The following DKK2 variants were observed in gnomAD, a reference collection of about 807,000 sequenced individuals.
The protein encoded by DKK2 is dickkopf Wnt signaling pathway inhibitor 2.
A neutral mutation model predicts 28.1 loss-of-function variants in DKK2; 11 were observed. That is an observed-to-expected ratio of 0.39 (90% CI 0.25 to 0.65). The LOEUF is 0.65. Among genes scored for constraint, DKK2 ranks in the 30% least tolerant of loss-of-function variants. DKK2 has a pLI of 0.47. For synonymous variants in DKK2, 135 were observed against 126.5 expected, an observed-to-expected ratio of 1.07 and a Z score of -0.45; for missense variants, 326 against 335.5, an observed-to-expected ratio of 0.97 and a Z score of 0.22.
Position 107,035,529 on chromosome 4 carries a change from C to A in DKK2, c.63G>T (p.Leu21=), listed in dbSNP as rs1355534676. Residue 21 remains leucine, a synonymous_variant, in exon 1 of 4, where the codon CTG becomes CTT. Coordinates refer to ENST00000285311, the MANE Select transcript of DKK2 (RefSeq NM_014421.3). ...SCCLLLLAAV[L]MVESSQIGSS... ...TGCCGATCTGTGAGCTCTCCACCAT[C>A]AGCACCGCGGCCAGTAGGAGCAGGC... 11 of 1,614,218 alleles carry A rather than the reference C, an allele frequency of 6.8e-6. No homozygotes were observed.
In DKK2 at chr4:106,959,219, G is replaced by A. The variant is rs188983300; in HGVS notation, c.223-33270C>T. 2.6e-4 allele frequency among the ~76,000 whole-genome samples: 39 copies of A among 152,072 alleles called. No homozygotes were observed. The East Asian group carries it at 7.3e-3, about 29-fold the overall frequency. On this transcript the variant is annotated intron_variant, in intron 1 of 3. Transcript: ENST00000285311. ...AGAAAATATTCCAAACATATAAAAGGGTTTTTTCTGGTAGATTAGGAATGA... is the reference window on the plus strand; with the variant it reads ...AGAAAATATTCCAAACATATAAAAGAGTTTTTTCTGGTAGATTAGGAATGA...
intron 1 of DKK2, among the ~76,000 whole-genome samples, chr4:107,010,252 A>G (rs556329042): frequency 4.3e-4 from 65 of 151,876 alleles, no homozygotes; most frequent in Non-Finnish European, 8.0e-4. Flanking sequence ...TTAAAACTAT[A>G]AAGTGTCCAG....
At chr4:106,975,999 C>T (rs1204035152) in intron 1 of DKK2, among the ~76,000 whole-genome samples, 1 of 151,996 alleles carries the variant, frequency 6.6e-6, no homozygotes, top group African/African-American at 2.4e-5. Flanking sequence ...TGTTATTTAC[C>T]CAGTAGTCAT....
chr4:106,933,677 T>G (rs1009061274), intron 1 of DKK2, among the ~76,000 whole-genome samples: 1 of 152,214 alleles, frequency 6.6e-6, no homozygotes, highest in African/African-American at 2.4e-5. Flanking sequence ...GTATGATAAA[T>G]AGATGATGTC....
At chr4:106,969,722 C>T (rs1722837025) in intron 1 of DKK2, among the ~76,000 whole-genome samples, 1 of 152,074 alleles carries the variant, frequency 6.6e-6, no homozygotes, top group Non-Finnish European at 1.5e-5. Context: ...GACCAAAAAA[C>T]TCTTTGGAAT....
chr4:106,962,497 G>A (rs1722706109), intron 1 of DKK2, among the ~76,000 whole-genome samples: 1 of 12,624 alleles, frequency 7.9e-5, no homozygotes, highest in Non-Finnish European at 1.8e-4. Flanking sequence ...AACTATGTGT[G>A]TGTGTGTGTG....
chr4:106,983,820 TAAGAAGA>T (rs1723073143), intron 1 of DKK2, among the ~76,000 whole-genome samples: 1 of 152,212 alleles, frequency 6.6e-6, no homozygotes. Flanking sequence ...ACATTTCATC[TAAGAAGA>T]TATACAGATG....
intron 1 of DKK2, among the ~76,000 whole-genome samples, chr4:106,958,602 G>A (rs901497640): frequency 1.3e-5 from 2 of 151,902 alleles, no homozygotes; most frequent in South Asian, 2.1e-4. Context: ...TTGAGAGGCC[G>A]TGATGGGTGG....
intron 1 of DKK2, among the ~76,000 whole-genome samples, chr4:107,030,641 A>G (rs1035334416): frequency 5.3e-5 from 8 of 152,008 alleles, no homozygotes; most frequent in Non-Finnish European, 1.0e-4. Context: ...TCACAGGTAG[A>G]AATTTGATTG....
At chr4:106,951,613 G>A (rs1724860861) in intron 1 of DKK2, among the ~76,000 whole-genome samples, 1 of 152,124 alleles carries the variant, frequency 6.6e-6, no homozygotes, top group Admixed American at 6.6e-5. Flanking sequence ...TCATACATGA[G>A]AGCTAAAAAA....
chr4:106,969,890 T>C (rs1304667811), intron 1 of DKK2, among the ~76,000 whole-genome samples: 6 of 152,024 alleles, frequency 3.9e-5, no homozygotes, highest in African/African-American at 1.4e-4. Flanking sequence ...GCCTTCCTAC[T>C]CCAGGGGCAT....
intron 2 of DKK2, 126 bp from the exon 3 acceptor site, chr4:106,924,826 C>A: frequency 1.1e-6 from 1 of 903,996 alleles, no homozygotes; most frequent in South Asian, 2.5e-5. Context: ...TCTATCCACC[C>A]ATCCATTCAT....
chr4:107,006,503 T>C (rs1255362712), intron 1 of DKK2, among the ~76,000 whole-genome samples: 1 of 152,158 alleles, frequency 6.6e-6, no homozygotes, highest in Non-Finnish European at 1.5e-5. Context: ...AGAAGGTTTG[T>C]TTGTCTGGGT....
At chr4:107,020,273 C>T (rs2110373035) in intron 1 of DKK2, among the ~76,000 whole-genome samples, 1 of 152,088 alleles carries the variant, frequency 6.6e-6, no homozygotes, top group Non-Finnish European at 1.5e-5. Context: ...TTTAAAAAGA[C>T]CAAAAATGTT....
intron 1 of DKK2, among the ~76,000 whole-genome samples, chr4:106,983,337 G>GAAGA (rs1553923094): frequency 0.23 from 27,297 of 120,284 alleles, 2,926 homozygotes; most frequent in South Asian, 0.29. Context: ...AGGAAGAAAG[G>GAAGA]AAGAAAGAAA....
chr4:106,973,738 A>C (rs1722902868), intron 1 of DKK2, among the ~76,000 whole-genome samples: 1 of 152,150 alleles, frequency 6.6e-6, no homozygotes, highest in Non-Finnish European at 1.5e-5. Flanking sequence ...CTTTAGCTTA[A>C]TTAGATCCCA....
intron 1 of DKK2, among the ~76,000 whole-genome samples, chr4:107,033,939 G>T (rs368974380): frequency 6.6e-6 from 1 of 152,224 alleles, no homozygotes; most frequent in East Asian, 1.9e-4. Context: ...GATGTGCAAC[G>T]GTTATGTTTG....
intron 1 of DKK2, among the ~76,000 whole-genome samples, chr4:107,015,766 T>C (rs1256790863): frequency 6.6e-6 from 1 of 151,742 alleles, no homozygotes; most frequent in Non-Finnish European, 1.5e-5. Context: ...TACCACAGTG[T>C]CAGTTAAATA....
rs531938607 is a variant in DKK2 at position 107,030,252 on chromosome 4, A to G, written c.222+5118T>C. Among the ~76,000 whole-genome samples the G allele has an allele frequency of 7.2e-5, 11 of 152,236 alleles. No individual in the cohort carries two copies. In the South Asian group the frequency reaches 2.3e-3, roughly 32 times the overall value. ...TTATGTTTGTCCTAACACTACAATT[A>G]GAGAAAAATATGTTATTCTGCTCTA... On this transcript the variant is annotated intron_variant, in intron 1 of 3. Transcript: ENST00000285311.
Sources: allele counts gnomAD v4.1 joint callset (sites outside exome capture counted in the v4.1 genomes callset), GRCh38; gene constraint gnomAD v4.1.1; transcripts MANE v1.5; gene names NCBI Gene and HGNC (gene_info 2026-07-23, HGNC 2026-07-21).